Variants in ITPRID1 observed in about 807,000 individuals in gnomAD.
The protein encoded by ITPRID1 is ITPR interacting domain containing 1.
A neutral mutation model predicts 95.4 loss-of-function variants in ITPRID1; 96 were observed. That is an observed-to-expected ratio of 1.01 (90% CI 0.85 to 1.19). The LOEUF is 1.19. Among genes scored for constraint, ITPRID1 ranks in the 50% most tolerant of loss-of-function variants. ITPRID1 has a pLI of 0.00. For synonymous variants in ITPRID1, 510 were observed against 453.6 expected (o/e 1.12, Z -1.58); for missense variants, 1,339 against 1,252.9 (o/e 1.07, Z -1.04).
intron 10 of ITPRID1, among the ~76,000 whole-genome samples, chr7:31,622,708 A>T (rs1202326908): frequency 6.6e-6 from 1 of 152,134 alleles, no homozygotes. Flanking sequence ...CTAGAAAATC[A>T]AGAGCAAACA....
intron 1 of ITPRID1, among the ~76,000 whole-genome samples, chr7:31,521,396 T>C (rs1041171379): frequency 6.6e-6 from 1 of 152,158 alleles, no homozygotes; most frequent in South Asian, 2.1e-4. Flanking sequence ...CAATTATTGG[T>C]TTTTAGTTTG....
intron 10 of ITPRID1, among the ~76,000 whole-genome samples, chr7:31,600,291 CTTTA>C (rs1330480377): frequency 6.6e-6 from 1 of 152,184 alleles, no homozygotes; most frequent in East Asian, 1.9e-4. Context: ...AAAGCTTTAA[CTTTA>C]TTTACCTTTT....
chr7:31,587,344 A>G (rs1785660512), intron 10 of ITPRID1, among the ~76,000 whole-genome samples: 1 of 152,054 alleles, frequency 6.6e-6, no homozygotes, highest in Admixed American at 6.6e-5. Context: ...ATACACCAAT[A>G]ACAGACAAAC....
intron 7 of ITPRID1, among the ~76,000 whole-genome samples, chr7:31,573,105 T>C (rs190876379): frequency 8.9e-4 from 135 of 152,302 alleles, no homozygotes; most frequent in African/African-American, 3.1e-3. Context: ...ATCCCATGAT[T>C]AAGATATCCA....
rs143912195 is a variant in ITPRID1, at chr7:31,642,729, A to G, written c.1359A>G (p.Arg453=). ...AGAGTCCTGCTGAGAATGGAGGTAG[A>G]AAGCCAAGAGATCAGAGCCACAGCT... ...NSQSPAENGG[R]KPRDQSHSLV... The change falls in exon 12 of 15, where the codon AGA becomes AGG. Residue 453 remains arginine (R), a synonymous_variant. Coordinates refer to ENST00000615280, the MANE Select transcript of ITPRID1 (RefSeq NM_001257967.3). 6.2e-7 allele frequency: 1 copy of G among 1,614,024 alleles called. No individual in the cohort carries two copies. Among genetic ancestry groups the G allele is most frequent in the South Asian group, 1.1e-5 (1 of 91,076 alleles).
chr7:31,637,719 G>T (rs910160842), intron 10 of ITPRID1, among the ~76,000 whole-genome samples: 10 of 152,112 alleles, frequency 6.6e-5, no homozygotes, highest in Non-Finnish European at 1.5e-4. Flanking sequence ...TTCTATTGCT[G>T]TGCAGAAGCT....
chr7:31,527,897 TGAA>T (rs1783472934), intron 1 of ITPRID1, among the ~76,000 whole-genome samples: 1 of 152,220 alleles, frequency 6.6e-6, no homozygotes, highest in African/African-American at 2.4e-5. Context: ...CAGACAGACC[TGAA>T]AGGGAAGTGT....
At chr7:31,596,665 T>C (rs552790930) in intron 10 of ITPRID1, among the ~76,000 whole-genome samples, 1 of 151,746 alleles carries the variant, frequency 6.6e-6, no homozygotes, top group African/African-American at 2.4e-5. Flanking sequence ...TATCATCCTT[T>C]ACCAACAGAA....
Position 31,643,442 on chromosome 7 carries a change from CAG to C in ITPRID1, c.2074_2075del (p.Glu692SerfsTer2). 1 of 1,614,040 alleles carries C rather than the reference CAG, an allele frequency of 6.2e-7. No individual in the cohort carries two copies. Among genetic ancestry groups the C allele is most frequent in the Non-Finnish European group, 8.5e-7 (1 of 1,179,902 alleles). The stretch of plus-strand genomic sequence containing the variant: ...ACTTTGGGTCAGATACTACCTGGGA[CAG>C]AAGCTGAGATGGAAAACCTTCCTCT... On this transcript the variant is annotated frameshift_variant, in exon 12 of 15. Coordinates refer to ENST00000615280, the MANE Select transcript of ITPRID1 (RefSeq NM_001257967.3). LOFTEE classifies it high-confidence loss of function.
At position 31,549,488 on chromosome 7, in the gene ITPRID1, C is replaced by T. The variant is rs771055289; in HGVS notation, c.-35C>T. Reference sequence around the variant, plus strand: ...GAGAAGGAAAAAGAAAGAAAACTGACCAATATGAGTGGTGATTGTTTTGGA... The same window carrying T: ...GAGAAGGAAAAAGAAAGAAAACTGATCAATATGAGTGGTGATTGTTTTGGA... On this transcript the variant is annotated 5_prime_UTR_variant, in exon 2 of 15. Coordinates refer to ENST00000615280, the MANE Select transcript of ITPRID1 (RefSeq NM_001257967.3). 18 of 1,523,580 alleles carry T rather than the reference C, an allele frequency of 1.2e-5. No individual in the cohort carries two copies. The highest frequency in any genetic ancestry group is 1.6e-5 in the Non-Finnish European group (18 of 1,141,242). 94.4% of individuals were successfully genotyped at this position (1,523,580 alleles called of 1,614,324 possible). A position where few individuals can be genotyped will look rare whatever the true frequency, so the allele number is the denominator to read the frequency against.
At chr7:31,613,418 A>G (rs749402989) in intron 10 of ITPRID1, among the ~76,000 whole-genome samples, 17 of 152,088 alleles carry the variant, frequency 1.1e-4, no homozygotes, top group Admixed American at 3.3e-4. Flanking sequence ...CGGAGGTTCT[A>G]TTTCCACTAC....
At chr7:31,561,533 C>T (rs1180535803) in intron 5 of ITPRID1, among the ~76,000 whole-genome samples, 4 of 152,268 alleles carry the variant, frequency 2.6e-5, no homozygotes, top group Middle Eastern at 6.8e-3. Context: ...TCCTGTGCCC[C>T]TTCTTTCTAT....
chr7:31,575,512 T>C (rs1354038528), intron 8 of ITPRID1, among the ~76,000 whole-genome samples: 2 of 152,196 alleles, frequency 1.3e-5, no homozygotes, highest in African/African-American at 2.4e-5. Flanking sequence ...GGGGGAAAGA[T>C]GCTTTGCAGC....
At chr7:31,540,455 T>C (rs1417601406) in intron 1 of ITPRID1, among the ~76,000 whole-genome samples, 1 of 152,178 alleles carries the variant, frequency 6.6e-6, no homozygotes, top group Non-Finnish European at 1.5e-5. Context: ...TAAAAAATAA[T>C]AAAAATTAAA....
chr7:31,635,616 G>T (rs1339251199), intron 10 of ITPRID1, among the ~76,000 whole-genome samples: 1 of 152,124 alleles, frequency 6.6e-6, no homozygotes, highest in East Asian at 1.9e-4. Context: ...ACCTTTTAGG[G>T]ACCCTTTGTA....
chr7:31,656,139 G>T lies in ITPRID1; in HGVS notation c.*3310G>T. The stretch of plus-strand genomic sequence containing the variant: ...AACTCCTATATCACTTTGCTTTTTT[G>T]TTAAAACACTGAAAACCTCCTGTCT... On this transcript the variant is annotated 3_prime_UTR_variant, in exon 15 of 15. Transcript: ENST00000615280. 1.9e-6 allele frequency: 1 copy of T among 533,228 alleles called. No homozygotes were observed. The allele number at this position is 533,228 out of a possible 1,614,324, so 33.0% of individuals were successfully genotyped here.
intron 2 of ITPRID1, among the ~76,000 whole-genome samples, chr7:31,550,302 T>C (rs1416612544): frequency 6.6e-6 from 1 of 151,144 alleles, no homozygotes; most frequent in Non-Finnish European, 1.5e-5. Context: ...GTAATCAGAG[T>C]AGAAGGGATT....
At chr7:31,591,170 A>G (rs1785850356) in intron 10 of ITPRID1, among the ~76,000 whole-genome samples, 1 of 152,244 alleles carries the variant, frequency 6.6e-6, no homozygotes, top group Admixed American at 6.5e-5. Context: ...TATAAGATGA[A>G]TGATTTTTCC....
chr7:31,561,190 A>G (rs1202037847), intron 5 of ITPRID1, among the ~76,000 whole-genome samples: 3 of 152,230 alleles, frequency 2.0e-5, no homozygotes, highest in African/African-American at 7.2e-5. Context: ...TTGGAGACAG[A>G]AAACAGAAAA....
Sources: allele counts gnomAD v4.1 joint callset (sites outside exome capture counted in the v4.1 genomes callset), GRCh38; gene constraint gnomAD v4.1.1; transcripts MANE v1.5; gene names NCBI Gene and HGNC (gene_info 2026-07-23, HGNC 2026-07-21).